The following MYCT1 variants were observed in gnomAD, a reference collection of about 807,000 sequenced individuals.
The protein encoded by MYCT1 is MYC target 1.
MYCT1 carries 12 observed loss-of-function variants against 15.0 expected under a neutral mutation model. That is an observed-to-expected ratio of 0.80 (90% CI 0.51 to 1.29). The LOEUF (loss-of-function observed/expected upper bound fraction) is 1.29, where lower values mean the gene tolerates loss of function less well. Ranked by LOEUF, MYCT1 falls within the 50% of genes most tolerant of loss-of-function variation. The pLI is 0.00. For missense variants in MYCT1, 287 were observed against 279.1 expected, an observed-to-expected ratio of 1.03 and a Z score of -0.20; for synonymous variants, 104 against 102.7, an observed-to-expected ratio of 1.01 and a Z score of -0.07.
At chr6:152,743,362 G>A in the MYCT1 span, among the ~76,000 whole-genome samples, 29 of 152,250 alleles carry the variant, frequency 1.9e-4, no homozygotes, top group African/African-American at 5.5e-4. Flanking sequence ...CACTGCGCCC[G>A]GCCCTTGCGT....
chr6:152,725,864 A>T (rs1020404647), downstream of MYCT1, among the ~76,000 whole-genome samples: 2 of 152,176 alleles, frequency 1.3e-5, no homozygotes, highest in Non-Finnish European at 2.9e-5. Context: ...AGCATTCCGT[A>T]TCAGATGTGA....
At chr6:152,735,456 T>C in the MYCT1 span, among the ~76,000 whole-genome samples, 16 of 152,150 alleles carry the variant, frequency 1.1e-4, no homozygotes, top group Admixed American at 2.6e-4. Flanking sequence ...TAGAGTTAAT[T>C]CTTGCTACCG....
At position 152,724,437 on chromosome 6, in the gene MYCT1, A is replaced by C. The variant is rs1247925573; in HGVS notation, c.*2184A>C. The C allele has an allele frequency of 6.6e-6, 1 of 152,222 alleles. No individual in the cohort carries two copies. The highest frequency in any genetic ancestry group is 1.5e-5 in the Non-Finnish European group (1 of 68,042). The allele number at this position is 152,222 out of a possible 1,614,324, so 9.4% of individuals were successfully genotyped here. ...TGCACCCTTATCCCAGTTATAAGAC[A>C]GTCAAAATGACTATTTCCTAAATAT... On this transcript the variant is annotated 3_prime_UTR_variant, in exon 2 of 2. Coordinates refer to ENST00000367245, the MANE Select transcript of MYCT1 (RefSeq NM_025107.3).
chr6:152,718,211 G>A (rs1018959361), intron 1 of MYCT1, among the ~76,000 whole-genome samples: 1 of 152,072 alleles, frequency 6.6e-6, no homozygotes. Context: ...TTCCCAAACT[G>A]AAACTTGTCA....
chr6:152,714,032 A>G (rs1020536818), intron 1 of MYCT1, among the ~76,000 whole-genome samples: 6 of 151,946 alleles, frequency 3.9e-5, no homozygotes, highest in Admixed American at 6.6e-5. Context: ...GTTCATAGTC[A>G]TTATTACTTG....
At chr6:152,704,355 T>TCC (rs750691927) in intron 1 of MYCT1, among the ~76,000 whole-genome samples, 48 of 152,336 alleles carry the variant, frequency 3.2e-4, no homozygotes, top group Admixed American at 1.2e-3. Flanking sequence ...CAAATGGTCA[T>TCC]GTAAGTGTAA....
At chr6:152,698,157 G>C in intron 1 of MYCT1, 59 bp downstream of exon 1, 1 of 982,874 alleles carries the variant, frequency 1.0e-6, no homozygotes, top group Non-Finnish European at 1.5e-6. Flanking sequence ...AATGCACTGC[G>C]TGATTATTAA....
chr6:152,717,755 G>A (rs7754224), intron 1 of MYCT1, among the ~76,000 whole-genome samples: 12,818 of 152,050 alleles, frequency 0.084, 959 homozygotes, highest in African/African-American at 0.19. Flanking sequence ...ACAGACTAAT[G>A]CAATTTCTAA....
chr6:152,741,435 T>C, the MYCT1 span, among the ~76,000 whole-genome samples: 1 of 152,204 alleles, frequency 6.6e-6, no homozygotes, highest in African/African-American at 2.4e-5. Context: ...CTTGAATGTT[T>C]ATTCTTATCA....
chr6:152,708,463 G>A (rs1486891835), intron 1 of MYCT1, among the ~76,000 whole-genome samples: 2 of 151,908 alleles, frequency 1.3e-5, no homozygotes, highest in Admixed American at 6.6e-5. Flanking sequence ...AGGGTCATTT[G>A]AGCCCAAAAC....
At chr6:152,738,542 T>C in the MYCT1 span, among the ~76,000 whole-genome samples, 1 of 152,270 alleles carries the variant, frequency 6.6e-6, no homozygotes, top group Non-Finnish European at 1.5e-5. Flanking sequence ...CTCCACTCGT[T>C]AACTAAATGA....
At chr6:152,739,862 CTTTAG>C in the MYCT1 span, among the ~76,000 whole-genome samples, 1 of 151,868 alleles carries the variant, frequency 6.6e-6, no homozygotes, top group African/African-American at 2.4e-5. Flanking sequence ...GTATGTAACT[CTTTAG>C]TTTGGTGAAA....
At chr6:152,734,714 C>G in the MYCT1 span, among the ~76,000 whole-genome samples, 1 of 151,942 alleles carries the variant, frequency 6.6e-6, no homozygotes, top group Admixed American at 6.6e-5. Context: ...AATTCCACCC[C>G]AAGGTATTTG....
the MYCT1 span, among the ~76,000 whole-genome samples, chr6:152,744,993 G>C: frequency 2.6e-5 from 4 of 152,158 alleles, no homozygotes; most frequent in African/African-American, 9.7e-5. Context: ...TGAGGAACCA[G>C]GTGGCAAAGT....
the MYCT1 span, among the ~76,000 whole-genome samples, chr6:152,738,943 A>G: frequency 6.6e-6 from 1 of 152,184 alleles, no homozygotes; most frequent in Non-Finnish European, 1.5e-5. Flanking sequence ...TCTTTTAGAA[A>G]CAAAGGTATT....
chr6:152,717,893 C>A (rs920346413), intron 1 of MYCT1, among the ~76,000 whole-genome samples: 1 of 151,884 alleles, frequency 6.6e-6, no homozygotes, highest in Admixed American at 6.6e-5. Flanking sequence ...TCCGTTGCAC[C>A]CCCATCTTAT....
the MYCT1 span, among the ~76,000 whole-genome samples, chr6:152,739,836 G>C: frequency 6.6e-6 from 1 of 151,836 alleles, no homozygotes; most frequent in Non-Finnish European, 1.5e-5. Context: ...AAGTTGTCAG[G>C]CAGTTTCATT....
At chr6:152,737,734 G>T in the MYCT1 span, among the ~76,000 whole-genome samples, 6 of 152,210 alleles carry the variant, frequency 3.9e-5, no homozygotes, top group African/African-American at 1.4e-4. Context: ...ATCAGTAACT[G>T]CTCTTTCAAG....
intron 1 of MYCT1, among the ~76,000 whole-genome samples, chr6:152,712,214 T>C (rs1359428795): frequency 1.1e-4 from 2 of 18,690 alleles, no homozygotes; most frequent in African/African-American, 2.5e-4. Flanking sequence ...TTGATTGCAC[T>C]GTGGTCTGAG....
Sources: allele counts gnomAD v4.1 joint callset (sites outside exome capture counted in the v4.1 genomes callset), GRCh38; gene constraint gnomAD v4.1.1; transcripts MANE v1.5; gene names NCBI Gene and HGNC (gene_info 2026-07-23, HGNC 2026-07-21).